The following PDGFC variants were observed in gnomAD, a reference collection of about 807,000 sequenced individuals.
The protein encoded by PDGFC is platelet derived growth factor C, also known as platelet-derived growth factor C.
In PDGFC, 12 loss-of-function variants were observed where a neutral mutation model predicts 35.5. That is an observed-to-expected ratio of 0.34 (90% CI 0.22 to 0.55). The LOEUF (loss-of-function observed/expected upper bound fraction) is 0.55, where lower values mean the gene tolerates loss of function less well. Among genes scored for constraint, PDGFC ranks in the 20% least tolerant of loss-of-function variants. PDGFC has a pLI of 0.91. For missense variants in PDGFC, 322 were observed against 412.4 expected, an observed-to-expected ratio of 0.78 and a Z score of 1.90; for synonymous variants, 159 against 148.8, an observed-to-expected ratio of 1.07 and a Z score of -0.50.
intron 2 of PDGFC, among the ~76,000 whole-genome samples, chr4:156,840,854 G>A (rs964101851): frequency 3.9e-5 from 6 of 152,126 alleles, no homozygotes; most frequent in Non-Finnish European, 5.9e-5. Context: ...CTGCCCCACG[G>A]GATTTTGGAC....
chr4:156,813,630 T>C (rs1424116365), intron 2 of PDGFC, among the ~76,000 whole-genome samples: 1 of 151,806 alleles, frequency 6.6e-6, no homozygotes, highest in Non-Finnish European at 1.5e-5. Context: ...GAACTGAGGG[T>C]GGGAAACAAA....
At chr4:156,778,288 C>A (rs76627167) in intron 3 of PDGFC, 1 of 312,126 alleles carries the variant, frequency 3.2e-6, no homozygotes, top group East Asian at 9.2e-5. Context: ...ACACAAGTAA[C>A]CAAACAAGTA....
At chr4:156,922,655 C>G (rs896211770) in intron 1 of PDGFC, among the ~76,000 whole-genome samples, 5 of 151,940 alleles carry the variant, frequency 3.3e-5, no homozygotes, top group Non-Finnish European at 5.9e-5. Flanking sequence ...TAGAAGTGAG[C>G]CAATTAATAC....
chr4:156,849,822 T>C (rs953156841), intron 2 of PDGFC, among the ~76,000 whole-genome samples: 2 of 152,078 alleles, frequency 1.3e-5, no homozygotes, highest in Non-Finnish European at 2.9e-5. Flanking sequence ...CAGTAGCTTA[T>C]CATTTATTTT....
chr4:156,764,924 T>G (rs2110787065), intron 5 of PDGFC, among the ~76,000 whole-genome samples: 1 of 152,208 alleles, frequency 6.6e-6, no homozygotes, highest in Middle Eastern at 3.4e-3. Flanking sequence ...GTATGCATTT[T>G]CCCATTCAGC....
chr4:156,880,150 C>G (rs979762003), intron 1 of PDGFC, among the ~76,000 whole-genome samples: 19 of 152,230 alleles, frequency 1.2e-4, no homozygotes, highest in Non-Finnish European at 1.0e-4. Context: ...GTAGGTGAAA[C>G]AGTCTTCAGT....
At chr4:156,800,909 C>A (rs1731587395) in intron 3 of PDGFC, among the ~76,000 whole-genome samples, 1 of 152,034 alleles carries the variant, frequency 6.6e-6, no homozygotes, top group African/African-American at 2.4e-5. Flanking sequence ...TACACCTTTC[C>A]CCAAACTCAA....
intron 3 of PDGFC, among the ~76,000 whole-genome samples, chr4:156,784,434 G>C (rs1731064424): frequency 6.6e-6 from 1 of 152,152 alleles, no homozygotes; most frequent in South Asian, 2.1e-4. Flanking sequence ...AGTAAAAGTA[G>C]GCCACTGTAG....
intron 1 of PDGFC, among the ~76,000 whole-genome samples, chr4:156,869,396 A>G (rs981322951): frequency 3.9e-5 from 6 of 151,952 alleles, no homozygotes; most frequent in Admixed American, 2.0e-4. Flanking sequence ...AGATTGCGCC[A>G]CTGCACTCCA....
At chr4:156,941,366 C>A (rs532106820) in intron 1 of PDGFC, among the ~76,000 whole-genome samples, 1 of 152,040 alleles carries the variant, frequency 6.6e-6, no homozygotes, top group African/African-American at 2.4e-5. Flanking sequence ...AGAAACTGCA[C>A]GGGATGACGG....
chr4:156,961,258 C>T (rs1417355829), intron 1 of PDGFC, among the ~76,000 whole-genome samples: 1 of 152,056 alleles, frequency 6.6e-6, no homozygotes, highest in Non-Finnish European at 1.5e-5. Context: ...ATTATGACTA[C>T]TTAAAAGACA....
intron 1 of PDGFC, among the ~76,000 whole-genome samples, chr4:156,951,119 C>T (rs1732070218): frequency 6.6e-6 from 1 of 151,824 alleles, no homozygotes; most frequent in African/African-American, 2.4e-5. Flanking sequence ...CTACTGCCTG[C>T]CAGGCAAGGT....
At position 156,850,280 on chromosome 4, in the gene PDGFC, C is replaced by T; in HGVS notation, c.255G>A (p.Trp85Ter). 1 of 1,609,532 alleles carries T rather than the reference C, an allele frequency of 6.2e-7. No homozygotes were observed. The highest frequency in any genetic ancestry group is 8.5e-7 in the Non-Finnish European group (1 of 1,177,372). ...WRLVAVEENVWIQLTFDERFG... is the reference protein window; with the variant it reads ...WRLVAVEENV ...ATCTTTCATCAAACGTAAGTTGTAT[C>T]CATACATTTTCCTCTACTGCTACTA... The change falls in exon 2 of 6, where the codon TGG (tryptophan) becomes TGA (stop). Residue 85 changes from tryptophan (W) to a stop codon, truncating the protein, a stop_gained. Coordinates refer to ENST00000502773, the MANE Select transcript of PDGFC (RefSeq NM_016205.3). LOFTEE classifies it high-confidence loss of function.
chr4:156,970,828 G>T lies in PDGFC; in HGVS notation c.76C>A (p.Leu26Met). 5 of 1,613,788 alleles carry T rather than the reference G, an allele frequency of 3.1e-6. No individual in the cohort carries two copies. The highest frequency in any genetic ancestry group is 4.2e-6 in the Non-Finnish European group (5 of 1,179,694). Residue 26 changes from leucine (L) to methionine (M), a missense_variant, in exon 1 of 6, where the codon CTG becomes ATG. By Grantham distance (15) the Leu-to-Met change is conservative (BLOSUM62 2). Around this residue, in one of 2 missense-constraint regions of PDGFC, gnomAD observed 120 missense variants for 116.6 expected, o/e 1.03. Transcript: ENST00000502773. ...CTGGAAAACTGGAATTTACTACTCA[G>T]GTTGGATTCCGCCTGAGTCCCCTGT... ...QRQGTQAESN[L>M]SSKFQFSSNK...
intron 2 of PDGFC, among the ~76,000 whole-genome samples, chr4:156,812,986 A>T (rs891741328): frequency 6.6e-5 from 10 of 152,140 alleles, no homozygotes; most frequent in African/African-American, 2.4e-4. Context: ...GTCCAGGGTT[A>T]TAAGTTACAT....
chr4:156,783,231 A>G (rs528363485), intron 3 of PDGFC, among the ~76,000 whole-genome samples: 8 of 152,322 alleles, frequency 5.3e-5, no homozygotes, highest in African/African-American at 1.7e-4. Flanking sequence ...GTGAGGCTGC[A>G]GGAATGAATT....
intron 1 of PDGFC, among the ~76,000 whole-genome samples, chr4:156,947,502 G>C (rs1268983795): frequency 1.3e-5 from 2 of 151,974 alleles, no homozygotes; most frequent in African/African-American, 4.8e-5. Flanking sequence ...AGGACAACAA[G>C]AAAAACTGAA....
chr4:156,947,941 T>C (rs1731985725), intron 1 of PDGFC, among the ~76,000 whole-genome samples: 1 of 151,830 alleles, frequency 6.6e-6, no homozygotes, highest in Admixed American at 6.6e-5. Context: ...GAAAGGGAAA[T>C]TAATTTACAG....
chr4:156,792,077 C>T (rs1731313513), intron 3 of PDGFC, among the ~76,000 whole-genome samples: 2 of 152,136 alleles, frequency 1.3e-5, no homozygotes, highest in African/African-American at 4.8e-5. Flanking sequence ...TTCTGTCAAT[C>T]CCAAGGTCCA....
Sources: allele counts gnomAD v4.1 joint callset (sites outside exome capture counted in the v4.1 genomes callset), GRCh38; gene constraint gnomAD v4.1.1; regional missense constraint gnomAD v4.1.1; transcripts MANE v1.5; gene names NCBI Gene and HGNC (gene_info 2026-07-23, HGNC 2026-07-21).